Variants in SPON1 observed in about 807,000 individuals in gnomAD.
SPON1 encodes spondin-1.
In SPON1, 52 loss-of-function variants were observed where a neutral mutation model predicts 111.7. The observed-to-expected ratio is 0.47, with a 90% CI of 0.37 to 0.59. The LOEUF is 0.59. Ranked by LOEUF, SPON1 falls within the 20% of genes least tolerant of loss-of-function variation. The probability of loss-of-function intolerance (pLI) is 0.00; values close to 1 mark genes in which losing one functional copy is unlikely to be tolerated. For missense variants in SPON1, 957 were observed against 1,068.5 expected, an observed-to-expected ratio of 0.90 and a Z score of 1.46; for synonymous variants, 410 against 395.8, an observed-to-expected ratio of 1.04 and a Z score of -0.43.
chr11:14,204,922 C>T (rs1165431939), intron 6 of SPON1, among the ~76,000 whole-genome samples: 1 of 150,376 alleles, frequency 6.6e-6, no homozygotes, highest in Non-Finnish European at 1.5e-5. Context: ...CTCCTGACCT[C>T]GTGATCCACC....
chr11:14,156,247 T>C (rs186142826), intron 6 of SPON1, among the ~76,000 whole-genome samples: 1,816 of 146,982 alleles, frequency 0.012, 55 homozygotes, highest in African/African-American at 0.042. Flanking sequence ...ATGGCCGTGA[T>C]GGTGAGCATT....
At chr11:13,995,140 T>C (rs1554911645) in intron 2 of SPON1, among the ~76,000 whole-genome samples, 1 of 152,228 alleles carries the variant, frequency 6.6e-6, no homozygotes, top group Non-Finnish European at 1.5e-5. Context: ...TAATTCACTG[T>C]TGTATTTCTA....
chr11:14,178,830 A>G (rs1848208531), intron 6 of SPON1, among the ~76,000 whole-genome samples: 2 of 152,162 alleles, frequency 1.3e-5, no homozygotes, highest in African/African-American at 2.4e-5. Context: ...GATTCATTTT[A>G]TCCCATTGCT....
chr11:14,123,185 G>T (rs567269715), intron 5 of SPON1, among the ~76,000 whole-genome samples: 1 of 152,052 alleles, frequency 6.6e-6, no homozygotes, highest in Admixed American at 6.5e-5. Flanking sequence ...CTCTCACCTA[G>T]GCCTCCCAAA....
chr11:14,255,915 C>T, intron 9 of SPON1, 128 bp downstream of exon 9: 2 of 991,802 alleles, frequency 2.0e-6, no homozygotes, highest in Non-Finnish European at 1.4e-6. Context: ...AATTCCTGGG[C>T]CTCCCCAGGT....
At chr11:14,068,050 C>T (rs1022532568) in intron 3 of SPON1, among the ~76,000 whole-genome samples, 5 of 152,172 alleles carry the variant, frequency 3.3e-5, no homozygotes, top group Non-Finnish European at 5.9e-5. Context: ...CCTCTCACAT[C>T]TAAAGTAGTT....
intron 6 of SPON1, among the ~76,000 whole-genome samples, chr11:14,146,963 T>A (rs1420483762): frequency 6.7e-6 from 1 of 149,018 alleles, no homozygotes; most frequent in Non-Finnish European, 1.5e-5. Flanking sequence ...ATATCAAAAA[T>A]TTAAATATTT....
chr11:13,992,599 CG>C (rs1434289522), intron 2 of SPON1, among the ~76,000 whole-genome samples: 1 of 152,032 alleles, frequency 6.6e-6, no homozygotes, highest in Non-Finnish European at 1.5e-5. Context: ...CAGGCACCAC[CG>C]GGGTATGGAA....
At chr11:14,201,586 T>G (rs1229902409) in intron 6 of SPON1, among the ~76,000 whole-genome samples, 1 of 151,864 alleles carries the variant, frequency 6.6e-6, no homozygotes, top group African/African-American at 2.4e-5. Flanking sequence ...TTAGAAGAGA[T>G]GAGGTCTCAC....
At chr11:14,265,378 CTG>C (rs1849252952) in intron 15 of SPON1, 144 bp from the exon 16 acceptor site, 5 of 922,006 alleles carry the variant, frequency 5.4e-6, no homozygotes, top group Non-Finnish European at 7.8e-6. Context: ...TACGACCTAA[CTG>C]TCCCTAATAA....
chr11:14,134,210 C>T (rs1554927807), intron 5 of SPON1, among the ~76,000 whole-genome samples: 2 of 152,148 alleles, frequency 1.3e-5, no homozygotes, highest in African/African-American at 4.8e-5. Flanking sequence ...TAACTTGAGA[C>T]TTTGTTTAAC....
chr11:13,991,427 G>A (rs1277910919), intron 2 of SPON1, among the ~76,000 whole-genome samples: 1 of 152,050 alleles, frequency 6.6e-6, no homozygotes, highest in Non-Finnish European at 1.5e-5. Context: ...AGCTCCATCA[G>A]GTCATTTATG....
intron 5 of SPON1, among the ~76,000 whole-genome samples, chr11:14,097,359 T>A (rs1849109683): frequency 6.6e-6 from 1 of 152,164 alleles, no homozygotes; most frequent in African/African-American, 2.4e-5. Flanking sequence ...AGATTTTAAT[T>A]TTTTCTAAAT....
In SPON1 at chr11:14,011,154, G is replaced by T. The variant is rs77924860; in HGVS notation, c.345+28201G>T. Among the ~76,000 whole-genome samples the T allele has an allele frequency of 8.2e-3, 1,255 of 152,284 alleles. 10 individuals carry two copies. Among genetic ancestry groups the T allele is most frequent in the Non-Finnish European group, 0.012 (798 of 68,032 alleles). Reference sequence around the variant, plus strand: ...ACATGCAACCCCAAGGAAGAGCTCAGCCCTCTCCACTCTGTGGGTTTGAAT... The same window carrying T: ...ACATGCAACCCCAAGGAAGAGCTCATCCCTCTCCACTCTGTGGGTTTGAAT... On this transcript the variant is annotated intron_variant, in intron 2 of 15. Coordinates refer to ENST00000576479, the MANE Select transcript of SPON1 (RefSeq NM_006108.4).
In SPON1 at chr11:14,000,024, A is replaced by G. The variant is rs1192287934; in HGVS notation, c.345+17071A>G. Among the ~76,000 whole-genome samples, 4 of 152,182 alleles carry G rather than the reference A, an allele frequency of 2.6e-5. No individual in the cohort carries two copies. In the South Asian group the frequency reaches 6.2e-4, roughly 24 times the overall value. The stretch of plus-strand genomic sequence containing the variant: ...AATTACCTCTTTGGAATAAAGTTCA[A>G]TACCTTAGATTTTTGCCCTGACAAA... On this transcript the variant is annotated intron_variant, in intron 2 of 15. Coordinates refer to ENST00000576479, the MANE Select transcript of SPON1 (RefSeq NM_006108.4).
intron 6 of SPON1, among the ~76,000 whole-genome samples, chr11:14,236,965 C>T (rs1438015032): frequency 3.3e-5 from 5 of 152,186 alleles, no homozygotes; most frequent in African/African-American, 1.2e-4. Flanking sequence ...TCCTGCCTTC[C>T]TCAGAGAGCA....
intron 2 of SPON1, among the ~76,000 whole-genome samples, chr11:13,994,498 G>A (rs1028741621): frequency 1.3e-5 from 2 of 152,038 alleles, no homozygotes; most frequent in Non-Finnish European, 2.9e-5. Context: ...ATTCCATCAT[G>A]GAAGTCATGG....
At chr11:14,258,979 AATTAT>A (rs1849140761) in intron 11 of SPON1, among the ~76,000 whole-genome samples, 1 of 152,262 alleles carries the variant, frequency 6.6e-6, no homozygotes, top group Non-Finnish European at 1.5e-5. Context: ...ATGTAGATTA[AATTAT>A]ATCTTATCTT....
chr11:14,080,385 T>C (rs927287530), intron 5 of SPON1, among the ~76,000 whole-genome samples: 1 of 151,994 alleles, frequency 6.6e-6, no homozygotes, highest in Non-Finnish European at 1.5e-5. Context: ...TGGGCCACCA[T>C]GCCCAGCTAA....
Sources: gnomAD v4.1 joint callset for allele counts (sites outside exome capture counted in the v4.1 genomes callset) on GRCh38, gnomAD v4.1.1 for gene constraint, MANE v1.5 for transcripts, NCBI Gene and HGNC (gene_info 2026-07-23, HGNC 2026-07-21) for gene names.